The following LCLAT1 variants were observed in gnomAD, a reference collection of about 807,000 sequenced individuals.
LCLAT1 encodes the protein 1-AGP acyltransferase 8.
In LCLAT1, 11 loss-of-function variants were observed where a neutral mutation model predicts 30.7. That is an observed-to-expected ratio of 0.36 (90% CI 0.23 to 0.59). LCLAT1 has a LOEUF of 0.59. LCLAT1 is among the 20% of genes least tolerant of loss of function. The pLI, the probability that LCLAT1 is intolerant of heterozygous loss-of-function variation, is 0.77. For synonymous variants in LCLAT1, 155 were observed against 151.3 expected (o/e 1.02, Z -0.18); for missense variants, 402 against 458.6 (o/e 0.88, Z 1.13).
At chr2:30,556,430 C>T (rs1664921285) in intron 3 of LCLAT1, among the ~76,000 whole-genome samples, 1 of 151,062 alleles carries the variant, frequency 6.6e-6, no homozygotes, top group Non-Finnish European at 1.5e-5. Flanking sequence ...TCAATTAAGA[C>T]AGAAAATGGG....
intron 5 of LCLAT1, among the ~76,000 whole-genome samples, chr2:30,586,241 C>CAAAAAA (rs148993331): frequency 1.3e-5 from 1 of 77,768 alleles, no homozygotes; most frequent in Admixed American, 1.5e-4. Context: ...GACTCCGTCT[C>CAAAAAA]AAAAAAAAAA....
chr2:30,582,941 T>G (rs905758775), intron 5 of LCLAT1, among the ~76,000 whole-genome samples: 2 of 152,262 alleles, frequency 1.3e-5, no homozygotes, highest in African/African-American at 4.8e-5. Context: ...AGATTGCTAT[T>G]CTTTTATAAA....
chr2:30,639,032 A>G (rs1343331334), intron 5 of LCLAT1, among the ~76,000 whole-genome samples: 1 of 152,212 alleles, frequency 6.6e-6, no homozygotes, highest in African/African-American at 2.4e-5. Flanking sequence ...AAAATGAAAC[A>G]TATGGGTTCC....
intron 1 of LCLAT1, among the ~76,000 whole-genome samples, chr2:30,517,060 G>A (rs72856659): frequency 0.024 from 3,606 of 152,182 alleles, 139 homozygotes; most frequent in African/African-American, 0.08. Flanking sequence ...CTCCACAGTC[G>A]CCCATGCAGG....
rs540607538 is a variant in LCLAT1 at position 30,503,968 on chromosome 2, G to A, written c.-4-21619G>A. Among the ~76,000 whole-genome samples the A allele has an allele frequency of 3.9e-5, 6 of 152,250 alleles. No individual in the cohort carries two copies. In the East Asian group the frequency reaches 9.7e-4, roughly 25 times the overall value. On this transcript the variant is annotated intron_variant, in intron 1 of 5. Coordinates refer to ENST00000379509, the MANE Select transcript of LCLAT1 (RefSeq NM_001002257.3). ...AAGATCCCCTTCTAATGGAAAGAAC[G>A]CTTAGCCGGTCACAGGAGATGTGAG... is the stretch of plus-strand genomic sequence containing the variant.
At chr2:30,493,589 G>A (rs1683941707) in intron 1 of LCLAT1, among the ~76,000 whole-genome samples, 1 of 152,116 alleles carries the variant, frequency 6.6e-6, no homozygotes, top group South Asian at 2.1e-4. Context: ...GTTAATATGT[G>A]TGTAGTTGTG....
At chr2:30,450,709 T>TG (rs1448104436) in intron 1 of LCLAT1, among the ~76,000 whole-genome samples, 8 of 152,198 alleles carry the variant, frequency 5.3e-5, no homozygotes, top group African/African-American at 1.9e-4. Flanking sequence ...GTGCAAATCT[T>TG]GCAAAAGATG....
chr2:30,525,698 A>G lies in LCLAT1; in HGVS notation c.108A>G (p.Pro36=), dbSNP rs1685682529. The stretch of plus-strand genomic sequence containing the variant: ...TTTTACCTTTGATGTTTGTAAACCC[A>G]TCTTGGTATCGCTGGATCAACAACC... ...SPFLPLMFVN[P]SWYRWINNRL... is the part of the protein sequence containing the mutation. The change falls in exon 2 of 6, where the codon CCA becomes CCG. Residue 36 remains proline (P), a synonymous_variant. Coordinates refer to ENST00000379509, the MANE Select transcript of LCLAT1 (RefSeq NM_001002257.3). The G allele has an allele frequency of 6.2e-7, 1 of 1,614,082 alleles. No individual in the cohort carries two copies. The highest frequency in any genetic ancestry group is 8.5e-7 in the Non-Finnish European group (1 of 1,179,990).
At chr2:30,578,696 A>G (rs939944132) in intron 5 of LCLAT1, among the ~76,000 whole-genome samples, 1 of 152,174 alleles carries the variant, frequency 6.6e-6, no homozygotes, top group Admixed American at 6.6e-5. Flanking sequence ...TGTCATTATT[A>G]TAGAAGATCT....
At chr2:30,482,164 C>G (rs1195738008) in intron 1 of LCLAT1, among the ~76,000 whole-genome samples, 1 of 152,122 alleles carries the variant, frequency 6.6e-6, no homozygotes, top group East Asian at 1.9e-4. Context: ...TTACAGTGTT[C>G]AGTAAGACAG....
intron 1 of LCLAT1, among the ~76,000 whole-genome samples, chr2:30,456,169 G>T (rs1263174033): frequency 6.6e-6 from 1 of 152,152 alleles, no homozygotes; most frequent in African/African-American, 2.4e-5. Flanking sequence ...ACACAAAGTG[G>T]GTGTCCTCAT....
At chr2:30,449,235 C>T (rs1681421351) in intron 1 of LCLAT1, among the ~76,000 whole-genome samples, 1 of 152,138 alleles carries the variant, frequency 6.6e-6, no homozygotes, top group South Asian at 2.1e-4. Flanking sequence ...TAAGGGGAAA[C>T]ATTAATTCAT....
intron 5 of LCLAT1, among the ~76,000 whole-genome samples, chr2:30,597,913 C>G (rs182522867): frequency 6.6e-6 from 1 of 151,560 alleles, no homozygotes; most frequent in African/African-American, 2.4e-5. Flanking sequence ...ACTATTTGTC[C>G]TTAGTTCTGT....
intron 5 of LCLAT1, among the ~76,000 whole-genome samples, chr2:30,596,303 G>A (rs1291053883): frequency 3.3e-5 from 5 of 152,042 alleles, no homozygotes; most frequent in East Asian, 3.9e-4. Context: ...GCCAGCATCT[G>A]TTGTTTCATG....
At position 30,525,765 on chromosome 2, in the gene LCLAT1, A is replaced by G; in HGVS notation, c.165+10A>G. 6.2e-7 allele frequency: 1 copy of G among 1,613,646 alleles called. No individual in the cohort carries two copies. Among genetic ancestry groups the G allele is most frequent in the Non-Finnish European group, 8.5e-7 (1 of 1,179,664 alleles). ...GCTCACCCTACCTGTGGTAAGTTAC[A>G]CACCAGAGGAGACTGTCTGCTTGTA... On this transcript the variant is annotated intron_variant, in intron 2 of 5. Transcript: ENST00000379509.
At chr2:30,447,592 AGGAGGCGCGGGGAAGCGACTCCT>A (rs1393901047) in intron 1 of LCLAT1, 1 of 152,282 alleles carries the variant, frequency 6.6e-6, no homozygotes, top group East Asian at 1.9e-4. Flanking sequence ...CTCAGGTGGA[AGGAGGCGCGGGGAAGCGACTCCT>A]GGAGGCTGGC....
At chr2:30,469,526 G>A (rs191379937) in intron 1 of LCLAT1, among the ~76,000 whole-genome samples, 13 of 148,006 alleles carry the variant, frequency 8.8e-5, no homozygotes, top group East Asian at 5.9e-4. Flanking sequence ...GGCCATAGAT[G>A]TATGGTCATA....
At chr2:30,601,062 C>T (rs114051516) in intron 5 of LCLAT1, among the ~76,000 whole-genome samples, 158 of 152,182 alleles carry the variant, frequency 1.0e-3, no homozygotes, top group African/African-American at 3.4e-3. Flanking sequence ...TCCTTTCCTC[C>T]GTTTGATCTA....
intron 5 of LCLAT1, among the ~76,000 whole-genome samples, chr2:30,628,808 A>G (rs1055471820): frequency 2.4e-4 from 36 of 152,338 alleles, no homozygotes; most frequent in African/African-American, 8.7e-4. Context: ...AACGTATTTC[A>G]TCTTTCAGAG....
Sources: gnomAD v4.1 joint callset for allele counts (sites outside exome capture counted in the v4.1 genomes callset) on GRCh38, gnomAD v4.1.1 for gene constraint, MANE v1.5 for transcripts, NCBI Gene and HGNC (gene_info 2026-07-23, HGNC 2026-07-21) for gene names.